TENM3: variants seen among roughly 807,000 people sequenced by gnomAD.
The protein encoded by TENM3 is teneurin-3.
In TENM3, 63 loss-of-function variants were observed where a neutral mutation model predicts 255.1. That is an observed-to-expected ratio of 0.25 (90% CI 0.20 to 0.30). The LOEUF (loss-of-function observed/expected upper bound fraction) is 0.30. TENM3 is among the 10% of genes least tolerant of loss of function. The pLI is 1.00. For synonymous variants in TENM3, 1,306 were observed against 1,322.3 expected, an observed-to-expected ratio of 0.99 and a Z score of 0.27; for missense variants, 2,929 against 3,461.1, an observed-to-expected ratio of 0.85 and a Z score of 3.86.
chr4:182,216,046 T>C (rs561809422), intron 1 of TENM3, among the ~76,000 whole-genome samples: 1 of 152,334 alleles, frequency 6.6e-6, no homozygotes, highest in South Asian at 2.1e-4. Flanking sequence ...AAATCCTGTC[T>C]TTAAAATATT....
At chr4:182,678,910 G>A (rs968946694) in intron 7 of TENM3, among the ~76,000 whole-genome samples, 11 of 152,198 alleles carry the variant, frequency 7.2e-5, no homozygotes, top group African/African-American at 2.7e-4. Context: ...AGCTAAAAAA[G>A]TGAATGAGCA....
the TENM3 span, among the ~76,000 whole-genome samples, chr4:182,119,530 C>T: frequency 0.91 from 138,135 of 152,098 alleles, 62,857 homozygotes; most frequent in East Asian, 0.96. Context: ...ATTCTATGTA[C>T]CTGCCCATTT....
At chr4:182,519,748 A>G (rs2151771652) in intron 3 of TENM3, among the ~76,000 whole-genome samples, 1 of 152,332 alleles carries the variant, frequency 6.6e-6, no homozygotes, top group Admixed American at 6.5e-5. Flanking sequence ...TGAGCAGAAA[A>G]GAAAACTCAT....
At chr4:181,485,964 G>A in the TENM3 span, among the ~76,000 whole-genome samples, 1 of 151,756 alleles carries the variant, frequency 6.6e-6, no homozygotes, top group Non-Finnish European at 1.5e-5. Context: ...ATTTTAAGAT[G>A]TGAAATTCCT....
chr4:182,547,778 C>T (rs1741591642), intron 3 of TENM3, among the ~76,000 whole-genome samples: 2 of 152,174 alleles, frequency 1.3e-5, no homozygotes, highest in African/African-American at 2.4e-5. Context: ...ATATTTTAAA[C>T]TTGCTCCTTG....
intron 17 of TENM3, 80 bp from the exon 18 acceptor site, chr4:182,738,321 G>A (rs1761328327): frequency 7.5e-7 from 1 of 1,332,534 alleles, no homozygotes; most frequent in Non-Finnish European, 1.0e-6. Context: ...TGTGAAAAAG[G>A]CAGTTTTTTC....
At chr4:181,974,566 TCAAA>T in the TENM3 span, among the ~76,000 whole-genome samples, 58 of 145,122 alleles carry the variant, frequency 4.0e-4, no homozygotes, top group Non-Finnish European at 8.2e-4. Context: ...AGACTCCATC[TCAAA>T]CAAACAAACA....
intron 3 of TENM3, among the ~76,000 whole-genome samples, chr4:182,551,612 A>G (rs962490013): frequency 2.6e-5 from 4 of 152,168 alleles, no homozygotes; most frequent in African/African-American, 7.2e-5. Flanking sequence ...ATAAGAGGCA[A>G]CCAAGCCATC....
the TENM3 span, among the ~76,000 whole-genome samples, chr4:181,813,795 G>A: frequency 5.9e-5 from 9 of 152,152 alleles, no homozygotes; most frequent in East Asian, 1.9e-4. Context: ...CTCATCTTAC[G>A]GAGGTAGAAG....
intron 3 of TENM3, among the ~76,000 whole-genome samples, chr4:182,475,867 T>C (rs539875585): frequency 6.6e-6 from 1 of 152,352 alleles, no homozygotes; most frequent in Admixed American, 6.5e-5. Context: ...CAAGTGACTA[T>C]GATAATTGGA....
In TENM3 at chr4:182,799,461, C is replaced by A; in HGVS notation, c.7345-135C>A. 1 of 1,172,194 alleles carries A rather than the reference C, an allele frequency of 8.5e-7. No homozygotes were observed. The highest frequency in any genetic ancestry group is 1.7e-5 in the South Asian group (1 of 60,354). 72.6% of individuals were successfully genotyped at this position (1,172,194 alleles called of 1,614,324 possible). On this transcript the variant is annotated intron_variant, in intron 27 of 27. Coordinates refer to ENST00000511685, the MANE Select transcript of TENM3 (RefSeq NM_001080477.4). This position sits in a 1 kb window ranked among gnomAD's most constrained non-coding sequence, Gnocchi z 4.2. ...CGAGTGCTCCCTCCACCCGGGCTGT[C>A]AGCCTTCTGGTCAGGGAAGGACCCC...
chr4:181,700,829 C>T, the TENM3 span, among the ~76,000 whole-genome samples: 1 of 152,146 alleles, frequency 6.6e-6, no homozygotes, highest in Non-Finnish European at 1.5e-5. Flanking sequence ...GGCGGAGGAA[C>T]ATTTCTGATG....
intron 3 of TENM3, among the ~76,000 whole-genome samples, chr4:182,425,963 G>A (rs1036064114): frequency 1.4e-5 from 2 of 139,510 alleles, no homozygotes; most frequent in Non-Finnish European, 3.0e-5. Flanking sequence ...AGCTGTGATC[G>A]CACCATTGCA....
the TENM3 span, among the ~76,000 whole-genome samples, chr4:181,767,027 C>A: frequency 0.021 from 3,073 of 146,748 alleles, 49 homozygotes; most frequent in Non-Finnish European, 0.031. Flanking sequence ...CCGAGGCGGG[C>A]GGATCACGAG....
chr4:182,164,888 G>A (rs1348160643), intron 1 of TENM3, among the ~76,000 whole-genome samples: 1 of 152,114 alleles, frequency 6.6e-6, no homozygotes, highest in Non-Finnish European at 1.5e-5. Flanking sequence ...AAGTTCTGCT[G>A]TTCTATCATT....
At chr4:182,334,166 GAA>G (rs35421789) in intron 2 of TENM3, among the ~76,000 whole-genome samples, 2 of 151,140 alleles carry the variant, frequency 1.3e-5, no homozygotes, top group African/African-American at 2.4e-5. Flanking sequence ...TTGGAAGTCA[GAA>G]AAAAAAATCC....
the TENM3 span, among the ~76,000 whole-genome samples, chr4:181,524,360 A>G: frequency 5.3e-5 from 8 of 152,242 alleles, no homozygotes; most frequent in African/African-American, 1.9e-4. Context: ...TTTAGCAAAT[A>G]CCTTTGCTAT....
intron 3 of TENM3, among the ~76,000 whole-genome samples, chr4:182,534,320 T>C (rs1740068586): frequency 1.3e-5 from 2 of 152,194 alleles, no homozygotes; most frequent in South Asian, 2.1e-4. Context: ...GTCATCTGGC[T>C]ATTTGTACCC....
intron 3 of TENM3, among the ~76,000 whole-genome samples, chr4:182,348,586 C>G (rs1369967772): frequency 6.6e-6 from 1 of 152,168 alleles, no homozygotes; most frequent in Non-Finnish European, 1.5e-5. Flanking sequence ...TCATCCACAT[C>G]CATAGCTATC....
Sources: allele counts gnomAD v4.1 joint callset (sites outside exome capture counted in the v4.1 genomes callset), GRCh38; gene constraint gnomAD v4.1.1; non-coding constraint Gnocchi (gnomAD v3.1); transcripts MANE v1.5; gene names NCBI Gene and HGNC (gene_info 2026-07-23, HGNC 2026-07-21).